The following CACNA2D1 variants were observed in gnomAD, a reference collection of about 807,000 sequenced individuals.
CACNA2D1 encodes voltage-dependent calcium channel subunit alpha-2/delta-1.
A neutral mutation model predicts 171.5 loss-of-function variants in CACNA2D1; 53 were observed. The ratio of observed to expected loss-of-function variants is 0.31; its 90% CI spans 0.25 to 0.39. CACNA2D1 has a LOEUF of 0.39. CACNA2D1 is among the 10% of genes least tolerant of loss of function. The pLI is 1.00. For missense variants in CACNA2D1, 903 were observed against 1,299.8 expected (o/e 0.69, Z 4.69); for synonymous variants, 442 against 443.1 (o/e 1.00, Z 0.03).
In CACNA2D1 at chr7:82,399,769, T is replaced by A. The variant is rs113409310; in HGVS notation, c.95+43596A>T. Among the ~76,000 whole-genome samples, 490 of 125,344 alleles carry A rather than the reference T, an allele frequency of 3.9e-3. 2 individuals are homozygous for A. Among genetic ancestry groups the A allele is most frequent in the African/African-American group, 0.014 (471 of 33,230 alleles). The allele number at this position is 125,344 out of a possible 152,430, so 82.2% of individuals were successfully genotyped here. A position where few individuals can be genotyped will look rare whatever the true frequency, so the allele number is the denominator to read the frequency against. ...ATACCTTCCATCCCAGAAAAAAAAC[T>A]AAACAGTTCAAAATGGGGCACTTGG... On this transcript the variant is annotated intron_variant, in intron 1 of 38. Transcript: ENST00000356860.
intron 6 of CACNA2D1, among the ~76,000 whole-genome samples, chr7:82,106,982 T>G (rs748992232): frequency 1.5e-4 from 23 of 152,204 alleles, no homozygotes; most frequent in African/African-American, 4.8e-4. Flanking sequence ...ATGTCCTCCA[T>G]GAGGCTTTCC....
intron 3 of CACNA2D1, among the ~76,000 whole-genome samples, chr7:82,276,110 C>T (rs1247799235): frequency 6.6e-6 from 1 of 152,164 alleles, no homozygotes; most frequent in African/African-American, 2.4e-5. Context: ...CAGGTTTCTG[C>T]AGAAGAGTGT....
chr7:81,996,400 A>T (rs1455064329), intron 19 of CACNA2D1, among the ~76,000 whole-genome samples: 1 of 151,986 alleles, frequency 6.6e-6, no homozygotes, highest in African/African-American at 2.4e-5. Flanking sequence ...AAATGCAGTG[A>T]CAAGTTATAA....
chr7:82,151,942 A>AT (rs928107914), intron 4 of CACNA2D1, among the ~76,000 whole-genome samples: 4 of 152,156 alleles, frequency 2.6e-5, no homozygotes, highest in African/African-American at 2.4e-5. Flanking sequence ...AGAAGGAGGT[A>AT]TTTTTTCCTC....
At chr7:82,192,639 A>T (rs888387834) in intron 3 of CACNA2D1, among the ~76,000 whole-genome samples, 1 of 151,036 alleles carries the variant, frequency 6.6e-6, no homozygotes, top group African/African-American at 2.4e-5. Flanking sequence ...TATTAAATGA[A>T]CTCTCTTTGA....
At chr7:82,280,933 A>G (rs1172502317) in intron 3 of CACNA2D1, among the ~76,000 whole-genome samples, 2 of 152,204 alleles carry the variant, frequency 1.3e-5, no homozygotes, top group Non-Finnish European at 2.9e-5. Context: ...AATCCATTTT[A>G]GTGTATTTCC....
intron 2 of CACNA2D1, among the ~76,000 whole-genome samples, chr7:82,348,373 AT>A (rs200075306): frequency 7.3e-5 from 11 of 150,180 alleles, no homozygotes; most frequent in East Asian, 2.0e-4. Context: ...AGTAATCGAG[AT>A]TTTTTTTTTA....
chr7:82,331,709 GA>G (rs1365974463), intron 3 of CACNA2D1, among the ~76,000 whole-genome samples: 3 of 152,104 alleles, frequency 2.0e-5, no homozygotes, highest in Non-Finnish European at 4.4e-5. Flanking sequence ...AAATAAGAAA[GA>G]AAGTCTCAAT....
chr7:81,998,681 C>T (rs529746235), intron 18 of CACNA2D1, among the ~76,000 whole-genome samples: 12 of 152,114 alleles, frequency 7.9e-5, no homozygotes, highest in African/African-American at 2.2e-4. Flanking sequence ...TACTCTATCA[C>T]TACAATCAGA....
chr7:81,954,736 C>T (rs978260511), intron 38 of CACNA2D1, among the ~76,000 whole-genome samples: 3 of 152,054 alleles, frequency 2.0e-5, no homozygotes, highest in South Asian at 2.1e-4. Flanking sequence ...AAATGCAAAT[C>T]GCTGGTGAAG....
intron 4 of CACNA2D1, among the ~76,000 whole-genome samples, chr7:82,160,021 G>T (rs559862534): frequency 8.6e-5 from 13 of 151,556 alleles, no homozygotes; most frequent in African/African-American, 3.1e-4. Context: ...AGATGTACAA[G>T]ATGTATTATT....
chr7:81,999,140 A>G (rs1001501375), intron 18 of CACNA2D1, among the ~76,000 whole-genome samples: 1 of 152,214 alleles, frequency 6.6e-6, no homozygotes, highest in Non-Finnish European at 1.5e-5. Context: ...AGGCATTATC[A>G]GGAAGAATTG....
intron 3 of CACNA2D1, among the ~76,000 whole-genome samples, chr7:82,260,811 C>T (rs186187833): frequency 6.6e-6 from 1 of 152,198 alleles, no homozygotes; most frequent in East Asian, 1.9e-4. Flanking sequence ...TTCCAAAAGG[C>T]ATTATAATGA....
intron 1 of CACNA2D1, among the ~76,000 whole-genome samples, chr7:82,407,033 A>G (rs1249777632): frequency 6.6e-6 from 1 of 152,234 alleles, no homozygotes; most frequent in Admixed American, 6.5e-5. Flanking sequence ...TAAATATGAT[A>G]AAGAGGCCTT....
At chr7:82,031,456 T>A (rs1026041020) in intron 12 of CACNA2D1, among the ~76,000 whole-genome samples, 5 of 151,940 alleles carry the variant, frequency 3.3e-5, no homozygotes, top group African/African-American at 1.2e-4. Context: ...ACAGCTCAGT[T>A]CATTTATCAA....
chr7:82,046,222 G>A (rs1249428816), intron 10 of CACNA2D1, among the ~76,000 whole-genome samples: 1 of 152,038 alleles, frequency 6.6e-6, no homozygotes, highest in Non-Finnish European at 1.5e-5. Flanking sequence ...AGTACTGCTA[G>A]TTAATTCATG....
intron 33 of CACNA2D1, 26 bp downstream of exon 33, chr7:81,964,181 T>A: frequency 6.2e-7 from 1 of 1,612,658 alleles, no homozygotes; most frequent in Non-Finnish European, 8.5e-7. Context: ...CCCTTGAGAA[T>A]TGATTAGACC....
chr7:82,254,314 G>A (rs1033511249), intron 3 of CACNA2D1, among the ~76,000 whole-genome samples: 21 of 151,934 alleles, frequency 1.4e-4, no homozygotes, highest in African/African-American at 3.9e-4. Flanking sequence ...AACCATAAAA[G>A]GTTACTTGTT....
At chr7:82,271,864 T>C (rs1808680408) in intron 3 of CACNA2D1, among the ~76,000 whole-genome samples, 2 of 151,872 alleles carry the variant, frequency 1.3e-5, no homozygotes, top group Non-Finnish European at 2.9e-5. Context: ...CAATAGATGA[T>C]GGATAAATGG....
Sources: gnomAD v4.1 joint callset for allele counts (sites outside exome capture counted in the v4.1 genomes callset) on GRCh38, gnomAD v4.1.1 for gene constraint, MANE v1.5 for transcripts, NCBI Gene and HGNC (gene_info 2026-07-23, HGNC 2026-07-21) for gene names.